Variants in ARHGAP42 observed in about 807,000 individuals in gnomAD.
ARHGAP42 encodes the protein rho GTPase-activating protein 42.
A neutral mutation model predicts 125.0 loss-of-function variants in ARHGAP42; 63 were observed. The observed-to-expected ratio is 0.50, with a 90% confidence interval of 0.41 to 0.62. The LOEUF is 0.62. ARHGAP42 is among the 20% of genes least tolerant of loss of function. The pLI, the probability that ARHGAP42 is intolerant of heterozygous loss-of-function variation, is 0.00. For synonymous variants in ARHGAP42, 339 were observed against 351.0 expected, an observed-to-expected ratio of 0.97 and a Z score of 0.38; for missense variants, 766 against 1,024.2, an observed-to-expected ratio of 0.75 and a Z score of 3.44.
chr11:100,787,716 G>C (rs371293424), intron 2 of ARHGAP42, among the ~76,000 whole-genome samples: 4 of 152,280 alleles, frequency 2.6e-5, no homozygotes, highest in South Asian at 2.1e-4. Flanking sequence ...ACTGGGAACA[G>C]GGGCTGAGTG....
intron 3 of ARHGAP42, among the ~76,000 whole-genome samples, chr11:100,823,868 A>G (rs1315051820): frequency 6.6e-6 from 1 of 152,180 alleles, no homozygotes; most frequent in Non-Finnish European, 1.5e-5. Context: ...CATTGCCTCT[A>G]ATAAAAATCA....
intron 2 of ARHGAP42, among the ~76,000 whole-genome samples, chr11:100,780,344 T>A (rs1863279009): frequency 6.6e-6 from 1 of 152,234 alleles, no homozygotes; most frequent in African/African-American, 2.4e-5. Flanking sequence ...ATAATTAGTG[T>A]AATAAATGCT....
intron 1 of ARHGAP42, among the ~76,000 whole-genome samples, chr11:100,707,924 C>T (rs1324910772): frequency 2.6e-5 from 4 of 152,164 alleles, no homozygotes; most frequent in African/African-American, 9.7e-5. Context: ...TACATACTTT[C>T]TTGATAGTAG....
intron 5 of ARHGAP42, 64 bp downstream of exon 5, chr11:100,913,617 G>A: frequency 1.6e-5 from 13 of 827,792 alleles, no homozygotes; most frequent in South Asian, 5.2e-5. Context: ...AATTTCCAAA[G>A]GTAAAACTAT....
At chr11:100,942,450 G>T (rs1591311113) in intron 9 of ARHGAP42, among the ~76,000 whole-genome samples, 1 of 152,278 alleles carries the variant, frequency 6.6e-6, no homozygotes, top group Middle Eastern at 3.4e-3. Flanking sequence ...CTTTGTTTGA[G>T]GAAATGCTGC....
At position 100,797,374 on chromosome 11, in the gene ARHGAP42, G is replaced by A. The variant is rs75695115; in HGVS notation, c.312+2208G>A. ...AATAAAAGAAAAGTAGTCAGTGTCT[G>A]GCTTCAAAGGATGGGCTGACTCTCA... On this transcript the variant is annotated intron_variant, in intron 3 of 23. Transcript: ENST00000298815. Among the ~76,000 whole-genome samples the A allele has an allele frequency of 7.2e-5, 11 of 152,256 alleles. No individual in the cohort carries two copies. In the East Asian group the frequency reaches 1.9e-3, roughly 27 times the overall value.
intron 5 of ARHGAP42, among the ~76,000 whole-genome samples, chr11:100,917,860 C>T (rs903082800): frequency 2.0e-5 from 3 of 152,176 alleles, no homozygotes; most frequent in Admixed American, 1.3e-4. Context: ...GCATGAGCTC[C>T]GCCCAGCCTA....
intron 1 of ARHGAP42, among the ~76,000 whole-genome samples, chr11:100,694,098 A>G (rs1591110682): frequency 1.3e-5 from 2 of 151,662 alleles, no homozygotes; most frequent in Admixed American, 1.3e-4. Context: ...CCCCTGGCCA[A>G]TTTTTTGTAT....
chr11:100,733,928 T>TCG (rs1372458667), intron 1 of ARHGAP42, among the ~76,000 whole-genome samples: 28 of 144,694 alleles, frequency 1.9e-4, no homozygotes, highest in African/African-American at 6.7e-4. Context: ...CAAAGCAAAG[T>TCG]TGTTTTTTTT....
At chr11:100,813,690 C>T (rs2135063528) in intron 3 of ARHGAP42, among the ~76,000 whole-genome samples, 1 of 152,278 alleles carries the variant, frequency 6.6e-6, no homozygotes, top group East Asian at 1.9e-4. Context: ...AAATTTTTTG[C>T]TCTTGTAAGT....
At chr11:100,694,901 C>T (rs1451906603) in intron 1 of ARHGAP42, among the ~76,000 whole-genome samples, 1 of 152,186 alleles carries the variant, frequency 6.6e-6, no homozygotes, top group Non-Finnish European at 1.5e-5. Flanking sequence ...CATGGTTGTG[C>T]ATGCTTGTAA....
chr11:100,728,143 G>A (rs150973859), intron 1 of ARHGAP42, among the ~76,000 whole-genome samples: 15 of 152,264 alleles, frequency 9.9e-5, no homozygotes, highest in Middle Eastern at 3.4e-3. Flanking sequence ...TATTCAGCTT[G>A]GTTGGTGAAT....
rs146387462 is a variant in ARHGAP42 at position 100,804,520 on chromosome 11, T to A, written c.312+9354T>A. On this transcript the variant is annotated intron_variant, in intron 3 of 23. Transcript: ENST00000298815. ...TTAATGGGAGTAAAATCAGAATAGT[T>A]TTAGATGTATATTTTTTAATTTTTA... 5.3e-5 allele frequency among the ~76,000 whole-genome samples: 8 copies of A among 151,850 alleles called. No homozygotes were observed. In the East Asian group the frequency reaches 1.5e-3, roughly 29 times the overall value.
intron 2 of ARHGAP42, among the ~76,000 whole-genome samples, chr11:100,775,023 T>C (rs1863084533): frequency 6.6e-6 from 1 of 152,094 alleles, no homozygotes; most frequent in Non-Finnish European, 1.5e-5. Flanking sequence ...TCCTGCACTT[T>C]TTTTTTTTAG....
At chr11:100,883,782 A>C (rs1866017946) in intron 4 of ARHGAP42, among the ~76,000 whole-genome samples, 1 of 152,242 alleles carries the variant, frequency 6.6e-6, no homozygotes, top group Non-Finnish European at 1.5e-5. Flanking sequence ...TACCAGAAAT[A>C]GGGACAGATT....
intron 4 of ARHGAP42, among the ~76,000 whole-genome samples, chr11:100,905,543 A>G (rs142547508): frequency 3.1e-3 from 476 of 152,362 alleles, no homozygotes; most frequent in African/African-American, 9.6e-3. Context: ...ACATAACAAT[A>G]TAATTATGGT....
intron 3 of ARHGAP42, among the ~76,000 whole-genome samples, chr11:100,845,330 G>A (rs1421725858): frequency 6.6e-6 from 1 of 151,984 alleles, no homozygotes; most frequent in Non-Finnish European, 1.5e-5. Context: ...ATGATACAAT[G>A]GACTTTGGGG....
At chr11:100,814,587 T>A (rs1864222215) in intron 3 of ARHGAP42, among the ~76,000 whole-genome samples, 1 of 152,168 alleles carries the variant, frequency 6.6e-6, no homozygotes, top group African/African-American at 2.4e-5. Flanking sequence ...TAGCAACTTC[T>A]GCTTCTGGGG....
intron 4 of ARHGAP42, among the ~76,000 whole-genome samples, chr11:100,883,486 G>C (rs1335242239): frequency 6.6e-6 from 1 of 151,990 alleles, no homozygotes; most frequent in Non-Finnish European, 1.5e-5. Flanking sequence ...GGGATTACAG[G>C]TGCCCGCCAC....
Sources: gnomAD v4.1 joint callset for allele counts (sites outside exome capture counted in the v4.1 genomes callset) on GRCh38, gnomAD v4.1.1 for gene constraint, MANE v1.5 for transcripts, NCBI Gene and HGNC (gene_info 2026-07-23, HGNC 2026-07-21) for gene names.